PPFIBP1: variants seen among roughly 807,000 people sequenced by gnomAD.
The protein encoded by PPFIBP1 is PPFIB scaffold protein 1, also known as liprin-beta-1.
In PPFIBP1, 112 loss-of-function variants were observed where a neutral mutation model predicts 137.8. The observed-to-expected ratio is 0.81, with a 90% CI of 0.70 to 0.95. The LOEUF (loss-of-function observed/expected upper bound fraction) is 0.95, where lower values mean the gene tolerates loss of function less well. PPFIBP1 is among the 40% of genes least tolerant of loss of function. The pLI, the probability that PPFIBP1 is intolerant of heterozygous loss-of-function variation, is 0.00. For missense variants in PPFIBP1, 1,083 were observed against 1,196.6 expected (o/e 0.91, Z 1.40); for synonymous variants, 378 against 417.3 (o/e 0.91, Z 1.15).
In PPFIBP1 at chr12:27,647,589, T is replaced by C. The variant is rs138882186; in HGVS notation, c.358-140T>C. 929 of 552,434 alleles carry C rather than the reference T, an allele frequency of 1.7e-3. 9 individuals are homozygous for C. Among genetic ancestry groups the C allele is most frequent in the African/African-American group, 0.017 (853 of 51,658 alleles). The allele number at this position is 552,434 out of a possible 1,614,324, so 34.2% of individuals were successfully genotyped here. On this transcript the variant is annotated intron_variant, in intron 5 of 29. Transcript: ENST00000228425. ...GGAATGTGAGGGACCACTGTCTTCT[T>C]GGTACTTCTCAGATTTTTTTTTCTT...
chr12:27,673,725 C>T, intron 15 of PPFIBP1, 42 bp from the exon 16 acceptor site: 4 of 1,550,572 alleles, frequency 2.6e-6, no homozygotes, highest in Non-Finnish European at 3.6e-6. Flanking sequence ...AACAGTGGCA[C>T]TGGAGCCACT....
chr12:27,569,254 G>A (rs549126834), intron 1 of PPFIBP1, among the ~76,000 whole-genome samples: 6 of 152,266 alleles, frequency 3.9e-5, no homozygotes, highest in Middle Eastern at 3.4e-3. Flanking sequence ...AAACTTGTGA[G>A]CATCTCCTTC....
chr12:27,524,764 GA>G (rs3214735), intron 1 of PPFIBP1, among the ~76,000 whole-genome samples: 59,760 of 150,992 alleles, frequency 0.4, 12,077 homozygotes, highest in Middle Eastern at 0.48. Flanking sequence ...TCGTTGAAAA[GA>G]AAAAAAAAGT....
chr12:27,580,194 G>T (rs2050959438), intron 2 of PPFIBP1, among the ~76,000 whole-genome samples: 1 of 152,138 alleles, frequency 6.6e-6, no homozygotes, highest in African/African-American at 2.4e-5. Flanking sequence ...AGCTCTCAAA[G>T]AATTTTCTGA....
intron 1 of PPFIBP1, among the ~76,000 whole-genome samples, chr12:27,526,715 A>G (rs1234658860): frequency 6.6e-6 from 1 of 152,106 alleles, no homozygotes; most frequent in Non-Finnish European, 1.5e-5. Flanking sequence ...GGCACCTGTA[A>G]TCTCAGCTAC....
chr12:27,635,135 A>C lies in PPFIBP1; in HGVS notation c.270+20A>C. The stretch of plus-strand genomic sequence containing the variant: ...CAAATGGTAGGGTCTGCCTGTTCCA[A>C]ATTCTGTTATAAATCCTTTGTTGCT... On this transcript the variant is annotated intron_variant, in intron 4 of 29. Coordinates refer to ENST00000228425, the MANE Select transcript of PPFIBP1 (RefSeq NM_003622.4). 6.2e-7 allele frequency: 1 copy of C among 1,612,406 alleles called. No individual in the cohort carries two copies. The highest frequency in any genetic ancestry group is 8.5e-7 in the Non-Finnish European group (1 of 1,178,428).
In PPFIBP1 at chr12:27,665,412, A is replaced by G. The variant is rs570197475; in HGVS notation, c.991+966A>G. 4.6e-5 allele frequency among the ~76,000 whole-genome samples: 7 copies of G among 152,336 alleles called. No individual in the cohort carries two copies. In the South Asian group the frequency reaches 1.5e-3, roughly 32 times the overall value. ...GAAATCAAGAAAGACGTTTCCAACT[A>G]AAGCAACTGGGTAGATGATGGTTCC... is the stretch of plus-strand genomic sequence containing the variant. On this transcript the variant is annotated intron_variant, in intron 12 of 29. Coordinates refer to ENST00000228425, the MANE Select transcript of PPFIBP1 (RefSeq NM_003622.4).
At chr12:27,571,580 G>A (rs530392881) in intron 1 of PPFIBP1, among the ~76,000 whole-genome samples, 120 of 152,210 alleles carry the variant, frequency 7.9e-4, no homozygotes, top group Middle Eastern at 3.4e-3. Flanking sequence ...AGTCTCTACT[G>A]TTCTTGCTGG....
chr12:27,600,165 C>T (rs993691059), intron 2 of PPFIBP1, among the ~76,000 whole-genome samples: 9 of 152,086 alleles, frequency 5.9e-5, no homozygotes, highest in South Asian at 2.1e-4. Flanking sequence ...GAGCTGGGCA[C>T]GGTGGCTCAT....
At chr12:27,642,972 A>G (rs1322321245) in intron 4 of PPFIBP1, among the ~76,000 whole-genome samples, 2 of 152,084 alleles carry the variant, frequency 1.3e-5, no homozygotes, top group Non-Finnish European at 2.9e-5. Flanking sequence ...GCACTGAGGA[A>G]GAAGGTGTCT....
intron 1 of PPFIBP1, chr12:27,552,691 G>C (rs1946893915): frequency 6.6e-6 from 1 of 152,160 alleles, no homozygotes; most frequent in South Asian, 2.1e-4. Context: ...TTAAGTTAAA[G>C]AAAACATTAT....
intron 13 of PPFIBP1, among the ~76,000 whole-genome samples, chr12:27,670,040 G>A (rs1480689889): frequency 6.6e-6 from 1 of 152,148 alleles, no homozygotes. Flanking sequence ...ACTGGTGTGA[G>A]TCTTTATCAG....
intron 2 of PPFIBP1, among the ~76,000 whole-genome samples, chr12:27,589,712 T>G (rs1328503952): frequency 2.0e-5 from 3 of 152,228 alleles, no homozygotes; most frequent in South Asian, 2.1e-4. Flanking sequence ...TAGACAGTCT[T>G]CTAAAGTATT....
At chr12:27,686,078 T>C (rs532657497) in intron 24 of PPFIBP1, among the ~76,000 whole-genome samples, 143 of 152,264 alleles carry the variant, frequency 9.4e-4, no homozygotes, top group African/African-American at 3.2e-3. Flanking sequence ...GACTGAAATG[T>C]TTGGAATGGG....
At position 27,691,752 on chromosome 12, in the gene PPFIBP1, A is replaced by G. The variant is rs775401447; in HGVS notation, c.2689A>G (p.Lys897Glu). 3.1e-6 allele frequency: 5 copies of G among 1,607,536 alleles called. No individual in the cohort carries two copies. Among genetic ancestry groups the G allele is most frequent in the Non-Finnish European group, 3.4e-6 (4 of 1,176,996 alleles). The part of the protein sequence containing the change: ...LLTATAKVKP[K>E]KLAFSNFGNL... ...TTTGTTTGCTTTTCTTTTAAAGCCA[A>G]AGAAACTTGCCTTTAGCAATTTTGG... The change falls in exon 28 of 30, where the codon AAG becomes GAG. Residue 897 changes from lysine to glutamate, a missense_variant. Transcript: ENST00000228425.
At chr12:27,551,211 T>A (rs1565751825) in intron 1 of PPFIBP1, among the ~76,000 whole-genome samples, 1 of 152,076 alleles carries the variant, frequency 6.6e-6, no homozygotes, top group African/African-American at 2.4e-5. Flanking sequence ...TGTGATCTGA[T>A]AGACAGGTGC....
intron 1 of PPFIBP1, among the ~76,000 whole-genome samples, chr12:27,560,654 C>T (rs142031110): frequency 1.3e-5 from 2 of 152,102 alleles, no homozygotes; most frequent in Admixed American, 6.5e-5. Flanking sequence ...CACAGCCATA[C>T]GAGTTGAGTA....
chr12:27,664,345 A>G lies in PPFIBP1; in HGVS notation c.907-17A>G, dbSNP rs2059729331. 2.6e-6 allele frequency: 4 copies of G among 1,541,020 alleles called. No individual in the cohort carries two copies. The highest frequency in any genetic ancestry group is 2.3e-5 in the East Asian group (1 of 43,750). On this transcript the variant is annotated splice_polypyrimidine_tract_variant and intron_variant, in intron 11 of 29. Coordinates refer to ENST00000228425, the MANE Select transcript of PPFIBP1 (RefSeq NM_003622.4). Reference sequence around the variant, plus strand: ...TAAGAACATAGGATTAAAGATTACAATTTATTTTATTCCTAGGATCGGAAA... The same window carrying G: ...TAAGAACATAGGATTAAAGATTACAGTTTATTTTATTCCTAGGATCGGAAA...
intron 2 of PPFIBP1, among the ~76,000 whole-genome samples, chr12:27,609,710 T>C (rs2054885588): frequency 6.6e-6 from 1 of 152,166 alleles, no homozygotes; most frequent in South Asian, 2.1e-4. Context: ...TGACATGGCC[T>C]CACCCACATT....
Sources: allele counts gnomAD v4.1 joint callset (sites outside exome capture counted in the v4.1 genomes callset), GRCh38; gene constraint gnomAD v4.1.1; transcripts MANE v1.5; gene names NCBI Gene and HGNC (gene_info 2026-07-23, HGNC 2026-07-21).